Variants in RUNX2 observed in about 807,000 individuals in gnomAD.
RUNX2 encodes runt-related transcription factor 2.
Under a neutral mutation model 51.7 loss-of-function variants are expected in RUNX2, and 10 were observed. The observed-to-expected ratio is 0.19, with a 90% CI of 0.12 to 0.33. The LOEUF (loss-of-function observed/expected upper bound fraction) is 0.33, where lower values mean the gene tolerates loss of function less well. Ranked by LOEUF, RUNX2 falls within the 10% of genes least tolerant of loss-of-function variation. The pLI, the probability that RUNX2 is intolerant of heterozygous loss-of-function variation, is 1.00. For missense variants in RUNX2, 562 were observed against 691.3 expected, an observed-to-expected ratio of 0.81 and a Z score of 2.10; for synonymous variants, 276 against 273.6, an observed-to-expected ratio of 1.01 and a Z score of -0.09.
chr6:45,492,764 A>C (rs116681524), intron 6 of RUNX2, among the ~76,000 whole-genome samples: 232 of 151,890 alleles, frequency 1.5e-3, no homozygotes, highest in African/African-American at 5.1e-3. Flanking sequence ...AAGACCCCCA[A>C]CTCTTTTCTT....
intron 6 of RUNX2, among the ~76,000 whole-genome samples, chr6:45,506,716 C>T (rs185724881): frequency 2.8e-4 from 43 of 152,232 alleles, no homozygotes; most frequent in African/African-American, 1.0e-3. Flanking sequence ...AGTACAGTGG[C>T]GTGACTCAGT....
At chr6:45,512,893 C>T (rs1266967030) in intron 7 of RUNX2, among the ~76,000 whole-genome samples, 1 of 152,134 alleles carries the variant, frequency 6.6e-6, no homozygotes, top group Non-Finnish European at 1.5e-5. Context: ...AGAAACTAGT[C>T]ATTTGAAGTG....
At chr6:45,403,686 T>C (rs1293946884) in intron 2 of RUNX2, among the ~76,000 whole-genome samples, 11 of 152,316 alleles carry the variant, frequency 7.2e-5, no homozygotes, top group Admixed American at 7.2e-4. Flanking sequence ...CCATTATGTG[T>C]GAGTCACTGT....
intron 2 of RUNX2, among the ~76,000 whole-genome samples, chr6:45,395,179 T>C (rs1797555834): frequency 6.6e-6 from 1 of 152,226 alleles, no homozygotes; most frequent in Non-Finnish European, 1.5e-5. Flanking sequence ...CTCCACTCTC[T>C]GATGGAACTA....
chr6:45,544,519 A>G (rs1430148332), intron 7 of RUNX2, among the ~76,000 whole-genome samples: 1 of 152,244 alleles, frequency 6.6e-6, no homozygotes, highest in Non-Finnish European at 1.5e-5. Flanking sequence ...AAGTACAGAT[A>G]CACCTAAGAA....
At chr6:45,331,835 T>G (rs1225027310) in intron 2 of RUNX2, among the ~76,000 whole-genome samples, 1 of 152,102 alleles carries the variant, frequency 6.6e-6, no homozygotes, top group East Asian at 1.9e-4. Context: ...ATTTATTCAA[T>G]TACTCTCTTC....
intron 5 of RUNX2, among the ~76,000 whole-genome samples, chr6:45,485,359 C>G (rs531831332): frequency 6.3e-4 from 96 of 151,842 alleles, no homozygotes; most frequent in Non-Finnish European, 1.0e-3. Flanking sequence ...TGTGCCATCA[C>G]GCCTGGCTAA....
At chr6:45,525,833 GA>G (rs1433380105) in intron 7 of RUNX2, among the ~76,000 whole-genome samples, 1 of 151,824 alleles carries the variant, frequency 6.6e-6, no homozygotes, top group African/African-American at 2.4e-5. Context: ...CGTCTCTACA[GA>G]AAATACAAAA....
intron 6 of RUNX2, among the ~76,000 whole-genome samples, chr6:45,505,038 G>A (rs1459503033): frequency 6.6e-6 from 1 of 152,190 alleles, no homozygotes; most frequent in Admixed American, 6.5e-5. Flanking sequence ...CTGGCCGCAG[G>A]AACAGGAAAT....
At chr6:45,512,709 T>A (rs1025537898) in intron 7 of RUNX2, among the ~76,000 whole-genome samples, 1 of 152,064 alleles carries the variant, frequency 6.6e-6, no homozygotes, top group Non-Finnish European at 1.5e-5. Context: ...AACTAGGGCC[T>A]TTTCCTGAGG....
In RUNX2 at chr6:45,422,757, G is replaced by A; in HGVS notation, c.223G>A (p.Ala75Thr). 9.8e-6 allele frequency: 13 copies of A among 1,323,848 alleles called. No homozygotes were observed. The highest frequency in any genetic ancestry group is 1.3e-5 in the Non-Finnish European group (13 of 984,590). The allele number at this position is 1,323,848 out of a possible 1,614,324, so 82.0% of individuals were successfully genotyped here. A position where few individuals can be genotyped will look rare whatever the true frequency, so the allele number is the denominator to read the frequency against. ...GCAGCAGCAGCAGCAGGAGGCGGCGGCGGCGGCTGCGGCGGCGGCGGCGGC... is the reference window on the plus strand; with the variant it reads ...GCAGCAGCAGCAGCAGGAGGCGGCGACGGCGGCTGCGGCGGCGGCGGCGGC... ...QQQQQQQEAA[A>T]AAAAAAAAAA... The change falls in exon 3 of 9, where the codon GCG (alanine) becomes ACG (threonine). Residue 75 changes from alanine (A) to threonine (T), a missense_variant. Around this residue, in one of 5 missense-constraint regions of RUNX2, gnomAD observed 153 missense variants for 144.8 expected, o/e 1.06. Coordinates refer to ENST00000647337, the MANE Select transcript of RUNX2 (RefSeq NM_001024630.4).
intron 2 of RUNX2, among the ~76,000 whole-genome samples, chr6:45,345,337 G>C (rs1251857491): frequency 6.6e-6 from 1 of 152,054 alleles, no homozygotes. Context: ...CAACCAGAGG[G>C]ACTTTATTAT....
chr6:45,535,161 C>T (rs1173561805), intron 7 of RUNX2, among the ~76,000 whole-genome samples: 5 of 151,848 alleles, frequency 3.3e-5, no homozygotes, highest in East Asian at 3.9e-4. Flanking sequence ...AATACCTGGA[C>T]GATGAAATAA....
intron 2 of RUNX2, among the ~76,000 whole-genome samples, chr6:45,376,474 CACTT>C (rs1354938657): frequency 5.3e-5 from 8 of 152,202 alleles, no homozygotes; most frequent in Non-Finnish European, 8.8e-5. Flanking sequence ...TCCTCAGTGA[CACTT>C]ATCACATTTC....
rs535706340 is a variant in RUNX2 at position 45,512,324 on chromosome 6, C to G, written c.938C>G (p.Pro313Arg). 2.5e-6 allele frequency: 4 copies of G among 1,614,124 alleles called. No homozygotes were observed. The East Asian group carries it at 6.7e-5, about 27-fold the overall frequency. ...YPSYLSQMTS[P>R]SIHSTTPLSS... ...TCCTACCTGAGCCAGATGACGTCCCCGTCCATCCACTCTACCACCCCGCTG... is the reference window on the plus strand; with the variant it reads ...TCCTACCTGAGCCAGATGACGTCCCGGTCCATCCACTCTACCACCCCGCTG... Residue 313 changes from proline to arginine, a missense_variant, in exon 7 of 9, where the codon CCG becomes CGG. Pro to Arg is a moderately radical substitution (Grantham distance 103, BLOSUM62 -2). Around this residue, in one of 5 missense-constraint regions of RUNX2, gnomAD observed 304 missense variants for 353.2 expected, o/e 0.86. Transcript: ENST00000647337.
intron 2 of RUNX2, among the ~76,000 whole-genome samples, chr6:45,330,129 T>C (rs1428574313): frequency 2.0e-5 from 3 of 151,868 alleles, no homozygotes; most frequent in Non-Finnish European, 4.4e-5. Flanking sequence ...AAAAAAAATG[T>C]AAAATTGCTT....
intron 2 of RUNX2, among the ~76,000 whole-genome samples, chr6:45,417,688 G>A (rs957226205): frequency 6.6e-6 from 1 of 152,176 alleles, no homozygotes; most frequent in Admixed American, 6.5e-5. Context: ...GACTCGTACA[G>A]TGTCACAACT....
chr6:45,475,641 G>A (rs1799935643), intron 5 of RUNX2, among the ~76,000 whole-genome samples: 1 of 152,032 alleles, frequency 6.6e-6, no homozygotes, highest in Non-Finnish European at 1.5e-5. Flanking sequence ...TTTTAGTTCT[G>A]TATTTATTGA....
In RUNX2 at chr6:45,374,653, T is replaced by A. The variant is rs529494377; in HGVS notation, c.58+45869T>A. ...TTCTGACGGATTTCACTATTCAACCTCACCATAAAATAAAATCAGTGTTAT... is the reference window on the plus strand; with the variant it reads ...TTCTGACGGATTTCACTATTCAACCACACCATAAAATAAAATCAGTGTTAT... On this transcript the variant is annotated intron_variant, in intron 2 of 8. Coordinates refer to ENST00000647337, the MANE Select transcript of RUNX2 (RefSeq NM_001024630.4). Among the ~76,000 whole-genome samples the A allele has an allele frequency of 6.6e-5, 10 of 151,454 alleles. No individual in the cohort carries two copies. The East Asian group carries it at 1.9e-3, about 29-fold the overall frequency.
Sources: allele counts gnomAD v4.1 joint callset (sites outside exome capture counted in the v4.1 genomes callset), GRCh38; gene constraint gnomAD v4.1.1; regional missense constraint gnomAD v4.1.1; transcripts MANE v1.5; gene names NCBI Gene and HGNC (gene_info 2026-07-23, HGNC 2026-07-21).